The following BRF1 variants were observed in gnomAD, a reference collection of about 807,000 sequenced individuals.
BRF1 encodes BRF1 general transcription factor IIIB subunit.
A neutral mutation model predicts 81.7 loss-of-function variants in BRF1; 59 were observed. The ratio of observed to expected loss-of-function variants is 0.72; its 90% CI spans 0.59 to 0.90. The LOEUF (loss-of-function observed/expected upper bound fraction) is 0.90, where lower values mean the gene tolerates loss of function less well. Ranked by LOEUF, BRF1 falls within the 40% of genes least tolerant of loss-of-function variation. The pLI is 0.00. For synonymous variants in BRF1, 491 were observed against 395.6 expected, an observed-to-expected ratio of 1.24 and a Z score of -2.86; for missense variants, 1,050 against 936.3, an observed-to-expected ratio of 1.12 and a Z score of -1.58.
Position 105,209,804 on chromosome 14 carries a change from A to G in BRF1, c.*747T>C. On this transcript the variant is annotated 3_prime_UTR_variant, in exon 18 of 18. Transcript: ENST00000547530. ...TGGGCGCCGGTCTCAGCTGTCGGGC[A>G]CTCAGTTCACCTGCCGGCAGCCGCA... 1.9e-6 allele frequency: 1 copy of G among 515,646 alleles called. No individual in the cohort carries two copies. The highest frequency in any genetic ancestry group is 3.7e-5 in the Admixed American group (1 of 27,214). The allele number at this position is 515,646 out of a possible 1,614,324, so 31.9% of individuals were successfully genotyped here. A position where few individuals can be genotyped will look rare whatever the true frequency, so the allele number is the denominator to read the frequency against.
intron 5 of BRF1, chr14:105,249,004 C>CCG (rs2055375810): frequency 9.5e-7 from 1 of 1,048,578 alleles, no homozygotes; most frequent in Admixed American, 5.6e-5. Flanking sequence ...CCGCCGCCGC[C>CCG]CGCGCCCGCG....
rs587621503 is a variant in BRF1 at position 105,229,418 on chromosome 14, G to C, written c.695-505C>G. Reference sequence around the variant, plus strand: ...CTGAATCCTGCAGCGCAGGGATGCCGGTACCTGGCCTGCCGGGTAGAGTGG... The same window carrying C: ...CTGAATCCTGCAGCGCAGGGATGCCCGTACCTGGCCTGCCGGGTAGAGTGG... On this transcript the variant is annotated intron_variant, in intron 6 of 17. Coordinates refer to ENST00000547530, the MANE Select transcript of BRF1 (RefSeq NM_001519.4). Among the ~76,000 whole-genome samples, 175 of 152,340 alleles carry C rather than the reference G, an allele frequency of 1.1e-3. 1 individual carries two copies. The highest frequency in any genetic ancestry group is 3.9e-3 in the African/African-American group (164 of 41,576).
intron 15 of BRF1, among the ~76,000 whole-genome samples, chr14:105,215,981 T>C (rs1891189680): frequency 5.3e-5 from 4 of 75,832 alleles, no homozygotes; most frequent in Admixed American, 1.3e-4. Flanking sequence ...ACACACTGCA[T>C]ACACAGGCGC....
chr14:105,221,699 C>T lies in BRF1; in HGVS notation c.1264G>A (p.Gly422Ser), dbSNP rs1447477202. Residue 422 changes from glycine to serine, a missense_variant, in exon 11 of 18, where the codon GGC becomes AGC. Gly to Ser is a moderately conservative substitution (Grantham distance 56). This residue lies in a region of BRF1 where 1,043 missense variants were observed against 915.4 expected (regional missense o/e 1.14). Coordinates refer to ENST00000547530, the MANE Select transcript of BRF1 (RefSeq NM_001519.4). ...CATTCGCGGATGGAGTCTGAGATGC[C>T]CAGGCTGGCTGCAGTGGGGAGGGGG... ...LDPLPTAASL[G>S]ISDSIRECIS... 6.2e-6 allele frequency: 10 copies of T among 1,611,698 alleles called. No individual in the cohort carries two copies. The highest frequency in any genetic ancestry group is 8.5e-6 in the Non-Finnish European group (10 of 1,179,878).
Position 105,241,248 on chromosome 14 carries a change from G to A in BRF1, c.694+17C>T. On this transcript the variant is annotated intron_variant, in intron 6 of 17. Transcript: ENST00000547530. ...GACCCAGACCAGCATCCCCCAGGCA[G>A]GCAGGGCCCGCTGTACCTGCTCCGC... 1 of 1,608,612 alleles carries A rather than the reference G, an allele frequency of 6.2e-7. No individual in the cohort carries two copies. The highest frequency in any genetic ancestry group is 2.2e-5 in the East Asian group (1 of 44,856).
chr14:105,253,489 C>T (rs1189097988), intron 4 of BRF1, among the ~76,000 whole-genome samples: 1 of 152,228 alleles, frequency 6.6e-6, no homozygotes. Flanking sequence ...AAGCCCGGCT[C>T]GTGGGCCCTT....
At position 105,226,626 on chromosome 14, in the gene BRF1, G is replaced by C. The variant is rs759757457; in HGVS notation, c.915+8C>G. The C allele has an allele frequency of 3.1e-6, 5 of 1,612,876 alleles. No individual in the cohort carries two copies. Among genetic ancestry groups the C allele is most frequent in the Non-Finnish European group, 3.4e-6 (4 of 1,180,002 alleles). On this transcript the variant is annotated splice_region_variant and intron_variant, in intron 8 of 17. Coordinates refer to ENST00000547530, the MANE Select transcript of BRF1 (RefSeq NM_001519.4). ...CCCAGCACAGACAGACACCAAAGCCGGCGCTACCTGCTTCATCCGCAGCTT... is the reference window on the plus strand; with the variant it reads ...CCCAGCACAGACAGACACCAAAGCCCGCGCTACCTGCTTCATCCGCAGCTT...
intron 5 of BRF1, among the ~76,000 whole-genome samples, chr14:105,245,523 C>T (rs938975098): frequency 3.9e-5 from 6 of 152,138 alleles, no homozygotes; most frequent in Non-Finnish European, 5.9e-5. Context: ...AAAAGTCCAA[C>T]AGCCAGTATG....
Position 105,214,839 on chromosome 14 carries a change from C to T in BRF1, c.1773-2675G>A, listed in dbSNP as rs587658454. The stretch of plus-strand genomic sequence containing the variant: ...CCCTCCCCACCACCCCTCCCCACGT[C>T]GGAGCCTCAGCCTCTTTCCAAGTGG... On this transcript the variant is annotated intron_variant, in intron 15 of 17. Coordinates refer to ENST00000547530, the MANE Select transcript of BRF1 (RefSeq NM_001519.4). Among the ~76,000 whole-genome samples the T allele has an allele frequency of 1.7e-4, 26 of 152,320 alleles. No individual in the cohort carries two copies. The East Asian group carries it at 4.6e-3, about 27-fold the overall frequency.
intron 5 of BRF1, among the ~76,000 whole-genome samples, chr14:105,246,396 G>A (rs2055108651): frequency 6.6e-6 from 1 of 151,648 alleles, no homozygotes; most frequent in African/African-American, 2.4e-5. Flanking sequence ...AAAAGAATAG[G>A]CTGGGCGCGG....
rs28790348 is a variant in BRF1 at position 105,258,910 on chromosome 14, T to C, written c.440-2361A>G. On this transcript the variant is annotated intron_variant, in intron 3 of 17. Transcript: ENST00000547530. The stretch of plus-strand genomic sequence containing the variant: ...CAAAAAAAAATAGCCAACAAGCACA[T>C]GAAAAAGAACTCAACTGCATTAATC... Among the ~76,000 whole-genome samples, 550 of 151,712 alleles carry C rather than the reference T, an allele frequency of 3.6e-3. 1 individual carries two copies. The highest frequency in any genetic ancestry group is 0.013 in the African/African-American group (527 of 41,304).
chr14:105,211,558 C>G (rs932715026), intron 16 of BRF1: 59 of 509,438 alleles, frequency 1.2e-4, no homozygotes, highest in Non-Finnish European at 1.4e-4. Context: ...CCCCAGTGCT[C>G]GGGGAGCATG....
chr14:105,296,411 G>A (rs1236523682), intron 1 of BRF1, among the ~76,000 whole-genome samples: 1 of 152,066 alleles, frequency 6.6e-6, no homozygotes, highest in Non-Finnish European at 1.5e-5. Flanking sequence ...TACTTGGGAG[G>A]CTCAGGCAGG....
At chr14:105,260,372 G>A (rs1417452795) in intron 3 of BRF1, among the ~76,000 whole-genome samples, 3 of 151,200 alleles carry the variant, frequency 2.0e-5, no homozygotes, top group African/African-American at 4.9e-5. Flanking sequence ...GCAGGTGTTC[G>A]AATTTTTTTT....
chr14:105,260,904 C>T (rs587772585), intron 3 of BRF1, among the ~76,000 whole-genome samples: 4 of 152,332 alleles, frequency 2.6e-5, no homozygotes, highest in East Asian at 3.9e-4. Context: ...TGGCCAATCC[C>T]GGGAGGGCCT....
chr14:105,241,101 G>A (rs587710240), intron 6 of BRF1, among the ~76,000 whole-genome samples, 164 bp downstream of exon 6: 1 of 152,340 alleles, frequency 6.6e-6, no homozygotes, highest in East Asian at 1.9e-4. Context: ...GGTCCTGGAG[G>A]GCTGAGGACC....
intron 10 of BRF1, among the ~76,000 whole-genome samples, chr14:105,224,367 CA>C (rs1892767004): frequency 6.6e-6 from 1 of 151,818 alleles, no homozygotes; most frequent in Admixed American, 6.6e-5. Context: ...AGCCTGTCTC[CA>C]AAAAAAGAAA....
chr14:105,241,271 C>A lies in BRF1; in HGVS notation c.688G>T (p.Gly230Ter). 6.2e-7 allele frequency: 1 copy of A among 1,611,582 alleles called. No homozygotes were observed. ...HTGRRPSGLCGAALLVAARMH... is the reference protein window; with the variant it reads ...HTGRRPSGLC ...CAGGCAGGGCCCGCTGTACCTGCTC[C>A]GCAGAGGCCCGAGGGGCGCCGGCCT... Residue 230 changes from glycine to a stop codon, truncating the protein, a stop_gained, in exon 6 of 18, where the codon GGA becomes TGA. Coordinates refer to ENST00000547530, the MANE Select transcript of BRF1 (RefSeq NM_001519.4). LOFTEE classifies it high-confidence loss of function.
chr14:105,275,245 C>CT (rs2056833834), intron 2 of BRF1, among the ~76,000 whole-genome samples: 1 of 152,214 alleles, frequency 6.6e-6, no homozygotes, highest in South Asian at 2.1e-4. Flanking sequence ...TGCCAGGCCC[C>CT]TGGCAGTCAG....
Sources: allele counts gnomAD v4.1 joint callset (sites outside exome capture counted in the v4.1 genomes callset), GRCh38; gene constraint gnomAD v4.1.1; regional missense constraint gnomAD v4.1.1; transcripts MANE v1.5; gene names NCBI Gene and HGNC (gene_info 2026-07-23, HGNC 2026-07-21).